Variants in THSD4 observed in about 807,000 individuals in gnomAD.
THSD4 encodes thrombospondin type 1 domain containing 4.
THSD4 carries 69 observed loss-of-function variants against 119.0 expected under a neutral mutation model. That is an observed-to-expected ratio of 0.58 (90% CI 0.48 to 0.71). The LOEUF (loss-of-function observed/expected upper bound fraction) is 0.71, where lower values mean the gene tolerates loss of function less well. Ranked by LOEUF, THSD4 falls within the 30% of genes least tolerant of loss-of-function variation. The pLI, the probability that THSD4 is intolerant of heterozygous loss-of-function variation, is 0.00. For missense variants in THSD4, 1,393 were observed against 1,391.1 expected (o/e 1.00, Z -0.02); for synonymous variants, 524 against 540.4 (o/e 0.97, Z 0.42).
chr15:71,588,175 G>A (rs1252722517), intron 7 of THSD4, among the ~76,000 whole-genome samples: 3 of 151,474 alleles, frequency 2.0e-5, no homozygotes, highest in African/African-American at 2.4e-5. Flanking sequence ...GCGTGGTAGC[G>A]GGCGCCTGTA....
intron 6 of THSD4, among the ~76,000 whole-genome samples, chr15:71,326,230 A>G (rs1031461231): frequency 6.6e-6 from 1 of 152,164 alleles, no homozygotes; most frequent in East Asian, 1.9e-4. Flanking sequence ...GAGATAAAAA[A>G]TGATACATAC....
At chr15:71,458,486 A>G (rs1011176573) in intron 7 of THSD4, among the ~76,000 whole-genome samples, 2 of 152,246 alleles carry the variant, frequency 1.3e-5, no homozygotes, top group Non-Finnish European at 2.9e-5. Flanking sequence ...TAGGACTATG[A>G]TAAGGTGTAT....
chr15:71,354,472 C>G (rs2045783018), intron 6 of THSD4, among the ~76,000 whole-genome samples: 1 of 152,118 alleles, frequency 6.6e-6, no homozygotes, highest in Non-Finnish European at 1.5e-5. Flanking sequence ...ATTGTCAACC[C>G]AGGTGGAGAC....
At chr15:71,204,489 G>A (rs1264595451) in intron 3 of THSD4, among the ~76,000 whole-genome samples, 1 of 152,120 alleles carries the variant, frequency 6.6e-6, no homozygotes, top group African/African-American at 2.4e-5. Flanking sequence ...TAAGTGGCAA[G>A]AAATGTAAGT....
intron 6 of THSD4, among the ~76,000 whole-genome samples, chr15:71,282,886 A>G (rs1306880448): frequency 1.3e-5 from 2 of 152,142 alleles, no homozygotes; most frequent in Non-Finnish European, 2.9e-5. Flanking sequence ...TAATACTTAC[A>G]AACATGCACA....
At chr15:71,600,417 T>C (rs748300556) in intron 7 of THSD4, among the ~76,000 whole-genome samples, 15 of 152,234 alleles carry the variant, frequency 9.9e-5, no homozygotes, top group Non-Finnish European at 2.2e-4. Context: ...ACCTTTACTC[T>C]TCTGTAAGAT....
At chr15:71,604,126 T>G (rs12595598) in intron 7 of THSD4, among the ~76,000 whole-genome samples, 11,271 of 152,038 alleles carry the variant, frequency 0.074, 1,126 homozygotes, top group East Asian at 0.52. Context: ...ATGGGGATAG[T>G]GAAGATAATG....
rs2051282551 is a variant in THSD4, at chr15:71,660,578, T to C, written c.1201T>C (p.Cys401Arg). ...YLGSDKVVDK[C>R]GVCGGDNTGC... Reference sequence around the variant, plus strand: ...AGGCTCCGACAAAGTCGTGGACAAATGTGGGGTGTGTGGAGGAGACAACAC... The same window carrying C: ...AGGCTCCGACAAAGTCGTGGACAAACGTGGGGTGTGTGGAGGAGACAACAC... The change falls in exon 8 of 18, where the codon TGT becomes CGT. Residue 401 changes from cysteine to arginine, a missense_variant. Physicochemically the swap from Cys to Arg is radical, Grantham distance 180. Coordinates refer to ENST00000261862, the MANE Select transcript of THSD4 (RefSeq NM_024817.3). 1 of 1,613,986 alleles carries C rather than the reference T, an allele frequency of 6.2e-7. No individual in the cohort carries two copies. Among genetic ancestry groups the C allele is most frequent in the South Asian group, 1.1e-5 (1 of 91,074 alleles).
chr15:71,498,009 A>C (rs11635579), intron 7 of THSD4, among the ~76,000 whole-genome samples: 64,993 of 152,102 alleles, frequency 0.43, 16,781 homozygotes, highest in East Asian at 0.78. Context: ...GGTGGGTTAT[A>C]AGTGATTCTC....
chr15:71,503,907 G>A (rs982197605), intron 7 of THSD4, among the ~76,000 whole-genome samples: 9 of 152,198 alleles, frequency 5.9e-5, no homozygotes, highest in Non-Finnish European at 1.0e-4. Flanking sequence ...CAGGAAAATG[G>A]AATCTTTGTC....
intron 3 of THSD4, chr15:71,164,826 C>A (rs1430083356): frequency 2.8e-5 from 45 of 1,593,476 alleles, no homozygotes; most frequent in Non-Finnish European, 3.8e-5. Flanking sequence ...TCCTCCTCCT[C>A]CTCATCCTCT....
At chr15:71,195,658 A>G (rs2043713108) in intron 3 of THSD4, among the ~76,000 whole-genome samples, 1 of 152,192 alleles carries the variant, frequency 6.6e-6, no homozygotes, top group Admixed American at 6.5e-5. Context: ...CTGAGGATCC[A>G]CTGAAGCCCT....
At chr15:71,137,938 T>C (rs897831921) in intron 1 of THSD4, among the ~76,000 whole-genome samples, 1 of 152,216 alleles carries the variant, frequency 6.6e-6, no homozygotes, top group African/African-American at 2.4e-5. Flanking sequence ...GTTTTGATAA[T>C]TTCAGATGTT....
At chr15:71,449,789 ATTGAT>A (rs1490957570) in intron 7 of THSD4, among the ~76,000 whole-genome samples, 46 of 152,178 alleles carry the variant, frequency 3.0e-4, no homozygotes, top group African/African-American at 1.1e-3. Context: ...TTGGGAGAAA[ATTGAT>A]TTATACCCAA....
At chr15:71,192,885 C>A (rs918261967) in intron 3 of THSD4, among the ~76,000 whole-genome samples, 1 of 152,166 alleles carries the variant, frequency 6.6e-6, no homozygotes, top group Non-Finnish European at 1.5e-5. Flanking sequence ...CTCTGCACAG[C>A]TGTAATCTCT....
At chr15:71,416,205 T>A (rs1373314074) in intron 7 of THSD4, among the ~76,000 whole-genome samples, 1 of 152,240 alleles carries the variant, frequency 6.6e-6, no homozygotes, top group Non-Finnish European at 1.5e-5. Flanking sequence ...GTCTAAATAG[T>A]ACTTTATTTT....
At chr15:71,217,509 G>A (rs1174113251) in intron 4 of THSD4, among the ~76,000 whole-genome samples, 1 of 151,978 alleles carries the variant, frequency 6.6e-6, no homozygotes, top group Middle Eastern at 3.4e-3. Context: ...TGTATTCCCA[G>A]CTACTCGGGA....
At chr15:71,661,496 A>T (rs930382089) in intron 8 of THSD4, among the ~76,000 whole-genome samples, 2 of 151,868 alleles carry the variant, frequency 1.3e-5, no homozygotes, top group Non-Finnish European at 2.9e-5. Flanking sequence ...CCCAGGTTCA[A>T]ATGATTCTCC....
At chr15:71,378,748 T>G (rs942350794) in intron 6 of THSD4, among the ~76,000 whole-genome samples, 1 of 152,212 alleles carries the variant, frequency 6.6e-6, no homozygotes, top group African/African-American at 2.4e-5. Flanking sequence ...TAATTCTTTC[T>G]TCTAGGTATA....
Sources: gnomAD v4.1 joint callset for allele counts (sites outside exome capture counted in the v4.1 genomes callset) on GRCh38, gnomAD v4.1.1 for gene constraint, MANE v1.5 for transcripts, NCBI Gene and HGNC (gene_info 2026-07-23, HGNC 2026-07-21) for gene names.